Variants in EYA3 observed in about 807,000 individuals in gnomAD.
EYA3 encodes protein phosphatase EYA3.
In EYA3, 39 loss-of-function variants were observed where a neutral mutation model predicts 80.0. The observed-to-expected ratio is 0.49, with a 90% CI of 0.38 to 0.64. The LOEUF is 0.64. Among genes scored for constraint, EYA3 ranks in the 30% least tolerant of loss-of-function variants. The pLI, the probability that EYA3 is intolerant of heterozygous loss-of-function variation, is 0.00. For missense variants in EYA3, 523 were observed against 676.1 expected, an observed-to-expected ratio of 0.77 and a Z score of 2.51; for synonymous variants, 206 against 232.8, an observed-to-expected ratio of 0.88 and a Z score of 1.05.
At position 28,046,047 on chromosome 1, in the gene EYA3, A is replaced by T. The variant is rs138317251; in HGVS notation, c.77+2336T>A. On this transcript the variant is annotated intron_variant, in intron 3 of 17. Coordinates refer to ENST00000373871, the MANE Select transcript of EYA3 (RefSeq NM_001990.4). ...TCCATTTCTGTGAGGTACTTAGAGC[A>T]GTCACAATCATGCAGACAGAAAGTA... 6.8e-3 allele frequency among the ~76,000 whole-genome samples: 1,030 copies of T among 152,362 alleles called. 5 individuals are homozygous for T. The highest frequency in any genetic ancestry group is 0.01 in the Non-Finnish European group (710 of 68,040).
At chr1:28,020,641 G>C (rs934771661) in intron 7 of EYA3, among the ~76,000 whole-genome samples, 1 of 147,138 alleles carries the variant, frequency 6.8e-6, no homozygotes, top group African/African-American at 2.5e-5. Context: ...TAAAAAGCCA[G>C]GCACTTTTAA....
rs199531017 is a variant in EYA3, at chr1:28,013,143, G to A, written c.737C>T (p.Ala246Val). The A allele has an allele frequency of 7.6e-5, 122 of 1,613,762 alleles. No individual in the cohort carries two copies. Among genetic ancestry groups the A allele is most frequent in the Non-Finnish European group, 9.5e-5 (112 of 1,179,944 alleles). The change falls in exon 9 of 18, where the codon GCG becomes GTG. Residue 246 changes from alanine (A) to valine (V), a missense_variant. Ala to Val is a moderately conservative substitution (Grantham distance 64). Coordinates refer to ENST00000373871, the MANE Select transcript of EYA3 (RefSeq NM_001990.4). The surrounding 1 kb of genome is among the most constrained non-coding windows in gnomAD (Gnocchi z 4.0). ...TYQSEKPSVM[A>V]PAPAAQRLSS... ...AAGTCTCTGTGCTGCAGGTGCAGGC[G>A]CCATGACACTAGGCTTCTCCGACTG...
chr1:28,070,183 T>C (rs924733105), intron 1 of EYA3, among the ~76,000 whole-genome samples: 1 of 152,216 alleles, frequency 6.6e-6, no homozygotes, highest in Non-Finnish European at 1.5e-5. Context: ...GGTTTTGCTA[T>C]TACCTCTCTG....
At chr1:27,975,686 C>T (rs969782039) in intron 17 of EYA3, among the ~76,000 whole-genome samples, 3 of 151,726 alleles carry the variant, frequency 2.0e-5, no homozygotes, top group Admixed American at 6.6e-5. Context: ...GGGGTTTCAC[C>T]GTGTTAGCCA....
At chr1:27,983,968 T>C (rs1321388335) in intron 16 of EYA3, among the ~76,000 whole-genome samples, 1 of 152,150 alleles carries the variant, frequency 6.6e-6, no homozygotes, top group African/African-American at 2.4e-5. Flanking sequence ...CTTCATAGAT[T>C]CTGTATTCTA....
At chr1:28,027,434 T>C (rs963768625) in intron 7 of EYA3, among the ~76,000 whole-genome samples, 4 of 152,210 alleles carry the variant, frequency 2.6e-5, no homozygotes, top group African/African-American at 4.8e-5. Context: ...TGACAATTCA[T>C]ACAGGTCAGC....
intron 7 of EYA3, among the ~76,000 whole-genome samples, chr1:28,025,672 A>G (rs1333599825): frequency 6.6e-6 from 1 of 152,270 alleles, no homozygotes; most frequent in Non-Finnish European, 1.5e-5. Context: ...TAGCCAATCC[A>G]AAGGAAAAAA....
chr1:27,993,439 C>G lies in EYA3; in HGVS notation c.1264G>C (p.Val422Leu). 6.2e-7 allele frequency: 1 copy of G among 1,613,624 alleles called. No homozygotes were observed. The highest frequency in any genetic ancestry group is 1.3e-5 in the African/African-American group (1 of 75,026). ...MRKLAFRYRKVREIYDKHKSN... is the reference protein window; with the variant it reads ...MRKLAFRYRKLREIYDKHKSN... ...TTATGCTTATCATAGATTTCTCTCACTTTCCGGTAGCGGAAAGCTAGTTTC... is the reference window on the plus strand; with the variant it reads ...TTATGCTTATCATAGATTTCTCTCAGTTTCCGGTAGCGGAAAGCTAGTTTC... Residue 422 changes from valine (V) to leucine (L), a missense_variant, in exon 14 of 18, where the codon GTG (valine) becomes CTG (leucine). Coordinates refer to ENST00000373871, the MANE Select transcript of EYA3 (RefSeq NM_001990.4).
intron 2 of EYA3, among the ~76,000 whole-genome samples, chr1:28,053,639 G>C (rs1356294899): frequency 6.6e-6 from 1 of 152,202 alleles, no homozygotes; most frequent in Non-Finnish European, 1.5e-5. Context: ...AGCATTAACA[G>C]TACAAGGATG....
At chr1:28,088,114 G>A (rs1310829792) in intron 1 of EYA3, among the ~76,000 whole-genome samples, 1 of 151,986 alleles carries the variant, frequency 6.6e-6, no homozygotes, top group African/African-American at 2.4e-5. Context: ...GTGGTGAAGA[G>A]TGAGCACAAT....
chr1:27,978,352 T>C (rs1404834771), intron 17 of EYA3, 22 bp downstream of exon 17: 1 of 1,570,822 alleles, frequency 6.4e-7, no homozygotes, highest in Non-Finnish European at 8.8e-7. Context: ...CCACATAGAC[T>C]ATTTTTCTTT....
chr1:28,043,637 A>C (rs1643897525), intron 3 of EYA3, among the ~76,000 whole-genome samples: 1 of 152,204 alleles, frequency 6.6e-6, no homozygotes. Flanking sequence ...CAGGAGTTTG[A>C]GACCAGCCTG....
intron 1 of EYA3, among the ~76,000 whole-genome samples, chr1:28,078,516 A>G (rs1167828556): frequency 2.0e-5 from 3 of 152,120 alleles, no homozygotes; most frequent in African/African-American, 7.2e-5. Context: ...TACCGTTCTA[A>G]GTACTTTTAA....
intron 1 of EYA3, among the ~76,000 whole-genome samples, chr1:28,061,390 T>G (rs1644618172): frequency 6.6e-6 from 1 of 152,248 alleles, no homozygotes; most frequent in Non-Finnish European, 1.5e-5. Flanking sequence ...CATTTATCAA[T>G]GTTTAAAACT....
chr1:28,050,253 C>T (rs982240270), intron 2 of EYA3, among the ~76,000 whole-genome samples: 4 of 148,588 alleles, frequency 2.7e-5, no homozygotes, highest in African/African-American at 4.9e-5. Context: ...AGTGCCATGG[C>T]GTAATCTCGG....
intron 1 of EYA3, among the ~76,000 whole-genome samples, chr1:28,085,421 C>T (rs963192109): frequency 1.3e-5 from 2 of 152,162 alleles, no homozygotes; most frequent in African/African-American, 4.8e-5. Flanking sequence ...TGCACTACAG[C>T]CTGGCCAACA....
intron 13 of EYA3, among the ~76,000 whole-genome samples, chr1:27,996,839 G>A (rs190153592): frequency 4.6e-5 from 7 of 152,224 alleles, no homozygotes; most frequent in African/African-American, 1.7e-4. Flanking sequence ...GCCTGAGCAA[G>A]CATTTTGCCA....
Position 28,063,352 on chromosome 1 carries a change from C to CTTT in EYA3, c.-68-5261_-68-5259dup, listed in dbSNP as rs371840536. On this transcript the variant is annotated intron_variant, in intron 1 of 17. Transcript: ENST00000373871. ...TTTTGGGGGGGGAAATAACTAAAACCTTTTTTTTTTTTTTTTTTTTTGGAG... is the reference window on the plus strand; with the variant it reads ...TTTTGGGGGGGGAAATAACTAAAACCTTTTTTTTTTTTTTTTTTTTTTTTGGAG... Among the ~76,000 whole-genome samples the CTTT allele has an allele frequency of 9.1e-3, 854 of 93,504 alleles. 47 individuals are homozygous for CTTT. Among genetic ancestry groups the CTTT allele is most frequent in the African/African-American group, 0.035 (757 of 21,914 alleles). 61.3% of individuals were successfully genotyped at this position (93,504 alleles called of 152,430 possible). A position where few individuals can be genotyped will look rare whatever the true frequency, so the allele number is the denominator to read the frequency against.
chr1:27,988,744 T>C (rs1639832767), intron 15 of EYA3, 88 bp from the exon 16 acceptor site: 7 of 1,472,824 alleles, frequency 4.8e-6, no homozygotes, highest in Middle Eastern at 1.8e-4. Flanking sequence ...TAGAATTTAA[T>C]TATTAAAAAT....
Sources: allele counts gnomAD v4.1 joint callset (sites outside exome capture counted in the v4.1 genomes callset), GRCh38; gene constraint gnomAD v4.1.1; non-coding constraint Gnocchi (gnomAD v3.1); transcripts MANE v1.5; gene names NCBI Gene and HGNC (gene_info 2026-07-23, HGNC 2026-07-21).